Variants in B4GALT6 observed in about 807,000 individuals in gnomAD.
The protein encoded by B4GALT6 is beta-1,4-galactosyltransferase 6.
In B4GALT6, 14 loss-of-function variants were observed where a neutral mutation model predicts 46.3. The ratio of observed to expected loss-of-function variants is 0.30; its 90% CI spans 0.20 to 0.47. B4GALT6 has a LOEUF of 0.47. Among genes scored for constraint, B4GALT6 ranks in the 20% least tolerant of loss-of-function variants. The pLI is 0.99. For missense variants in B4GALT6, 386 were observed against 480.1 expected (o/e 0.80, Z 1.83); for synonymous variants, 168 against 162.0 (o/e 1.04, Z -0.28).
chr18:31,636,135 T>C (rs1445718122), intron 5 of B4GALT6, among the ~76,000 whole-genome samples: 1 of 152,212 alleles, frequency 6.6e-6, no homozygotes, highest in African/African-American at 2.4e-5. Context: ...TCTTAGCTCA[T>C]ATCATATCTA....
intron 2 of B4GALT6, among the ~76,000 whole-genome samples, chr18:31,665,393 T>C (rs967014943): frequency 6.6e-6 from 1 of 152,192 alleles, no homozygotes; most frequent in Non-Finnish European, 1.5e-5. Flanking sequence ...GCCTATTAGA[T>C]TTTAACCTCC....
rs149280424 is a variant in B4GALT6 at position 31,626,555 on chromosome 18, G to C, written c.900-171C>G. 4.7e-3 allele frequency among the ~76,000 whole-genome samples: 715 copies of C among 152,320 alleles called. 3 individuals carry two copies. The highest frequency in any genetic ancestry group is 7.1e-3 in the Non-Finnish European group (481 of 68,030). ...TTAAAAACTGGGCCGCACAGCAGGA[G>C]GTGAGCGATCATTACTGCTTGAGCT... On this transcript the variant is annotated intron_variant, in intron 7 of 8. Coordinates refer to ENST00000306851, the MANE Select transcript of B4GALT6 (RefSeq NM_004775.5).
chr18:31,648,235 C>G (rs1332905065), intron 3 of B4GALT6, among the ~76,000 whole-genome samples: 1 of 152,178 alleles, frequency 6.6e-6, no homozygotes, highest in Non-Finnish European at 1.5e-5. Flanking sequence ...AGATTTTTAA[C>G]TGGCACAAGT....
chr18:31,667,083 A>C (rs2074291575), intron 1 of B4GALT6, among the ~76,000 whole-genome samples: 1 of 152,224 alleles, frequency 6.6e-6, no homozygotes, highest in African/African-American at 2.4e-5. Flanking sequence ...GTAAATTGAC[A>C]AAGCTTTATC....
chr18:31,657,015 T>C (rs902090872), intron 3 of B4GALT6, among the ~76,000 whole-genome samples: 2 of 152,164 alleles, frequency 1.3e-5, no homozygotes, highest in Non-Finnish European at 2.9e-5. Context: ...TAAAAGTCCA[T>C]CAATATCAAA....
intron 2 of B4GALT6, among the ~76,000 whole-genome samples, chr18:31,663,879 T>A (rs1172023671): frequency 6.6e-6 from 1 of 152,226 alleles, no homozygotes; most frequent in Non-Finnish European, 1.5e-5. Flanking sequence ...TAATTATTCG[T>A]AAATGTTGGC....
upstream of B4GALT6, among the ~76,000 whole-genome samples, chr18:31,684,939 G>A (rs2074528431): frequency 6.7e-6 from 1 of 148,834 alleles, no homozygotes; most frequent in African/African-American, 2.4e-5. Context: ...GCCCTGCGCC[G>A]CCTCCTACTC....
At chr18:31,689,055 G>C (rs1183980024), upstream of B4GALT6, among the ~76,000 whole-genome samples, 1 of 152,170 alleles carries the variant, frequency 6.6e-6, no homozygotes, top group African/African-American at 2.4e-5. Flanking sequence ...GGGAAAAACT[G>C]GTACATAAAG....
chr18:31,640,467 T>C (rs541922837), intron 4 of B4GALT6, among the ~76,000 whole-genome samples: 1 of 152,324 alleles, frequency 6.6e-6, no homozygotes, highest in Admixed American at 6.5e-5. Context: ...TGAAGATGTC[T>C]AAACTATGAA....
At position 31,649,584 on chromosome 18, in the gene B4GALT6, A is replaced by G. The variant is rs2074037274; in HGVS notation, c.347-4105T>C. The stretch of plus-strand genomic sequence containing the variant: ...CCCATTAAAAAATGAGCAAAAAAAA[A>G]AAAAAAAAAATGAGCAAAAGATACT... On this transcript the variant is annotated intron_variant, in intron 3 of 8. Coordinates refer to ENST00000306851, the MANE Select transcript of B4GALT6 (RefSeq NM_004775.5). Among the ~76,000 whole-genome samples the G allele has an allele frequency of 4.6e-5, 7 of 151,518 alleles. No individual in the cohort carries two copies. The South Asian group carries it at 1.5e-3, about 31-fold the overall frequency.
At chr18:31,668,611 T>C (rs768736350) in intron 1 of B4GALT6, among the ~76,000 whole-genome samples, 1 of 152,184 alleles carries the variant, frequency 6.6e-6, no homozygotes, top group Non-Finnish European at 1.5e-5. Flanking sequence ...ACTGTACACA[T>C]TGCTGTCATT....
chr18:31,713,081 A>G, the B4GALT6 span, among the ~76,000 whole-genome samples: 7 of 152,326 alleles, frequency 4.6e-5, no homozygotes, highest in Non-Finnish European at 1.5e-5. Context: ...GGCCAGGCAC[A>G]ATGGCCCATG....
chr18:31,656,276 A>C (rs2074137507), intron 3 of B4GALT6, among the ~76,000 whole-genome samples: 1 of 152,216 alleles, frequency 6.6e-6, no homozygotes, highest in Non-Finnish European at 1.5e-5. Flanking sequence ...AAGAATAAAA[A>C]ACACAGATAC....
the B4GALT6 span, chr18:31,724,584 G>T: frequency 9.4e-7 from 1 of 1,061,962 alleles, no homozygotes; most frequent in South Asian, 3.4e-5. Flanking sequence ...CTTGGACACG[G>T]ATTCAGCTGG....
intron 5 of B4GALT6, among the ~76,000 whole-genome samples, chr18:31,635,243 A>C (rs1387408954): frequency 3.3e-5 from 5 of 151,526 alleles, no homozygotes; most frequent in Non-Finnish European, 5.9e-5. Flanking sequence ...ACAAACAAAC[A>C]AACAAAAAAA....
At chr18:31,681,793 G>A (rs1412016503) in intron 1 of B4GALT6, among the ~76,000 whole-genome samples, 1 of 152,108 alleles carries the variant, frequency 6.6e-6, no homozygotes, top group East Asian at 1.9e-4. Flanking sequence ...TGATATGGTA[G>A]GATTAATAGG....
chr18:31,713,288 G>A, the B4GALT6 span, among the ~76,000 whole-genome samples: 3 of 152,168 alleles, frequency 2.0e-5, no homozygotes, highest in East Asian at 5.8e-4. Flanking sequence ...GGAAGTAGAG[G>A]CTGCAGTGAG....
the B4GALT6 span, among the ~76,000 whole-genome samples, chr18:31,707,471 G>A: frequency 6.6e-6 from 1 of 152,102 alleles, no homozygotes; most frequent in African/African-American, 2.4e-5. Flanking sequence ...ACAAAAAAAG[G>A]TGGGCAGTGA....
intron 1 of B4GALT6, among the ~76,000 whole-genome samples, chr18:31,675,188 T>G (rs1326134956): frequency 6.6e-6 from 1 of 152,234 alleles, no homozygotes; most frequent in African/African-American, 2.4e-5. Flanking sequence ...TTAACAATTT[T>G]AAGTTATTTC....
Sources: gnomAD v4.1 joint callset for allele counts (sites outside exome capture counted in the v4.1 genomes callset) on GRCh38, gnomAD v4.1.1 for gene constraint, MANE v1.5 for transcripts, NCBI Gene and HGNC (gene_info 2026-07-23, HGNC 2026-07-21) for gene names.